The following PDE2A variants were observed in gnomAD, a reference collection of about 807,000 sequenced individuals.
The protein encoded by PDE2A is phosphodiesterase 2A, also known as cGMP-dependent 3',5'-cyclic phosphodiesterase.
In PDE2A, 53 loss-of-function variants were observed where a neutral mutation model predicts 133.6. The ratio of observed to expected loss-of-function variants is 0.40; its 90% CI spans 0.32 to 0.50. PDE2A has a LOEUF of 0.50. Among genes scored for constraint, PDE2A ranks in the 20% least tolerant of loss-of-function variants. The probability of loss-of-function intolerance (pLI) is 0.73; values close to 1 mark genes in which losing one functional copy is unlikely to be tolerated. For missense variants in PDE2A, 796 were observed against 1,232.4 expected, an observed-to-expected ratio of 0.65 and a Z score of 5.30; for synonymous variants, 491 against 490.2, an observed-to-expected ratio of 1.00 and a Z score of -0.02.
intron 2 of PDE2A, among the ~76,000 whole-genome samples, chr11:72,619,347 A>G (rs1857631006): frequency 6.6e-6 from 1 of 152,154 alleles, no homozygotes; most frequent in East Asian, 1.9e-4. Flanking sequence ...TGGGGACCTA[A>G]GCATGTGTGC....
intron 2 of PDE2A, among the ~76,000 whole-genome samples, chr11:72,614,845 G>A (rs1430116387): frequency 6.6e-6 from 1 of 152,178 alleles, no homozygotes; most frequent in African/African-American, 2.4e-5. Context: ...GGGGGTGGAA[G>A]GACAGAGGGA....
Position 72,578,322 on chromosome 11 carries a change from G to A in PDE2A, c.2526C>T (p.Asn842=). 1 of 1,613,166 alleles carries A rather than the reference G, an allele frequency of 6.2e-7. No homozygotes were observed. Among genetic ancestry groups the A allele is most frequent in the Non-Finnish European group, 8.5e-7 (1 of 1,179,168 alleles). ...CCCGGTCCATCATCTCCATCGGCCT[G>A]TTGCCCATGGCCTTCTCCTGCAGGC... ...SQGDLEKAMG[N]RPMEMMDREK... is the part of the protein sequence containing the mutation. The change falls in exon 30 of 31, where the codon AAC becomes AAT. Residue 842 remains asparagine, a synonymous_variant. Coordinates refer to ENST00000334456, the MANE Select transcript of PDE2A (RefSeq NM_002599.5). The surrounding 1 kb of genome is among the most constrained non-coding windows in gnomAD (Gnocchi z 4.2).
rs757366439 is a variant in PDE2A at position 72,588,813 on chromosome 11, GGC to G, written c.1039_1040del (p.Ala347LeufsTer45). The part of the protein sequence containing the change: ...SRATDQVVAL[A>X]CAFNKLEGDL... ...CTCCTTCTAGCTTGTTGAAGGCGCA[GGC>G]CAAGGCCACCACCTGGTCAGTGGCC... On this transcript the variant is annotated frameshift_variant, in exon 13 of 31. Transcript: ENST00000334456. LOFTEE classifies it high-confidence loss of function. 6.2e-7 allele frequency: 1 copy of G among 1,609,284 alleles called. No individual in the cohort carries two copies. Among genetic ancestry groups the G allele is most frequent in the South Asian group, 1.1e-5 (1 of 90,800 alleles).
At position 72,597,520 on chromosome 11, in the gene PDE2A, A is replaced by T; in HGVS notation, c.423T>A (p.Pro141=). Residue 141 remains proline, a synonymous_variant, in exon 5 of 31, where the codon CCT becomes CCA. Transcript: ENST00000334456. This position sits in a 1 kb window ranked among gnomAD's most constrained non-coding sequence, Gnocchi z 4.6. ...PLARLVAPLA[P]DTQVLVMPLA... ...GCCCCTAGCCCTTACCTTGGGTATC[A>T]GGAGCCAGTGGAGCCACCAGCCTGG... The T allele has an allele frequency of 1.2e-6, 2 of 1,601,946 alleles. No individual in the cohort carries two copies. The highest frequency in any genetic ancestry group is 1.7e-6 in the Non-Finnish European group (2 of 1,175,086).
intron 1 of PDE2A, among the ~76,000 whole-genome samples, chr11:72,673,579 T>C (rs1438081845): frequency 6.6e-6 from 1 of 152,054 alleles, no homozygotes; most frequent in Non-Finnish European, 1.5e-5. Context: ...CGCTTTGGGG[T>C]AAAGTTTCAT....
chr11:72,642,247 C>A lies in PDE2A; in HGVS notation c.144+7G>T. ...TCTCCTGGTGCCCAGCGCGGGGGCC[C>A]CCCTACCTGCAGGCTGTCGGCGCAT... On this transcript the variant is annotated splice_region_variant and intron_variant, in intron 2 of 30. Coordinates refer to ENST00000334456, the MANE Select transcript of PDE2A (RefSeq NM_002599.5). 6.6e-7 allele frequency: 1 copy of A among 1,518,350 alleles called. No individual in the cohort carries two copies. Among genetic ancestry groups the A allele is most frequent in the Admixed American group, 2.2e-5 (1 of 46,116 alleles). The allele number at this position is 1,518,350 out of a possible 1,614,324, so 94.1% of individuals were successfully genotyped here.
chr11:72,585,919 C>G (rs1855950699), intron 14 of PDE2A, 151 bp downstream of exon 14: 3 of 651,604 alleles, frequency 4.6e-6, no homozygotes, highest in Non-Finnish European at 8.4e-6. Context: ...TCCTGAACAA[C>G]TGCAAGCCTT....
In PDE2A at chr11:72,578,566, A is replaced by G. The variant is rs773072495; in HGVS notation, c.2470-52T>C. On this transcript the variant is annotated intron_variant, in intron 28 of 30. Coordinates refer to ENST00000334456, the MANE Select transcript of PDE2A (RefSeq NM_002599.5). The surrounding 1 kb of genome is among the most constrained non-coding windows in gnomAD (Gnocchi z 4.2). ...CCTCTATGTAGGATACATCCACCCA[A>G]GCTCCTCTGACAGCCCGTTCCCAGG... 10 of 1,470,792 alleles carry G rather than the reference A, an allele frequency of 6.8e-6. No homozygotes were observed. The highest frequency in any genetic ancestry group is 1.1e-5 in the South Asian group (1 of 88,108). The allele number at this position is 1,470,792 out of a possible 1,614,324, so 91.1% of individuals were successfully genotyped here.
At chr11:72,589,342 A>G in intron 11 of PDE2A, 102 bp from the exon 12 acceptor site, 1 of 850,060 alleles carries the variant, frequency 1.2e-6, no homozygotes, top group Non-Finnish European at 2.0e-6. Context: ...AGAACCCTTC[A>G]GTCAGTCCAA....
At chr11:72,584,750 C>G (rs767873661) in intron 17 of PDE2A, 22 bp from the exon 18 acceptor site, 1 of 1,612,336 alleles carries the variant, frequency 6.2e-7, no homozygotes, top group Non-Finnish European at 8.5e-7. Context: ...GAGATGGAGT[C>G]GAGAGGAAGA....
At chr11:72,652,874 C>T (rs1406484983) in intron 1 of PDE2A, among the ~76,000 whole-genome samples, 2 of 152,222 alleles carry the variant, frequency 1.3e-5, no homozygotes, top group Non-Finnish European at 2.9e-5. Context: ...AGCAACTCCT[C>T]CCAGCCCAGC....
chr11:72,652,380 G>A (rs777620222), intron 1 of PDE2A: 3 of 404,124 alleles, frequency 7.4e-6, no homozygotes, highest in Non-Finnish European at 1.5e-5. Flanking sequence ...CCTAGTAGCT[G>A]GAATTACAGG....
intron 3 of PDE2A, among the ~76,000 whole-genome samples, chr11:72,605,442 G>A (rs1856929594): frequency 2.0e-5 from 3 of 152,194 alleles, no homozygotes; most frequent in Admixed American, 6.5e-5. Context: ...CTCTTGGACG[G>A]AATTCTAAGC....
intron 15 of PDE2A, 46 bp downstream of exon 15, chr11:72,585,508 G>A (rs1230808917): frequency 1.2e-6 from 2 of 1,612,482 alleles, no homozygotes; most frequent in Non-Finnish European, 1.7e-6. Context: ...GCAAATGCCA[G>A]CCCCCATGCC....
chr11:72,614,426 C>T (rs1169979540), intron 2 of PDE2A, among the ~76,000 whole-genome samples: 1 of 152,166 alleles, frequency 6.6e-6, no homozygotes, highest in Non-Finnish European at 1.5e-5. Flanking sequence ...TTGAGTGAGG[C>T]ATCAGGCTTT....
chr11:72,588,951 G>A (rs1856104159), intron 12 of PDE2A, 37 bp from the exon 13 acceptor site: 3 of 1,576,080 alleles, frequency 1.9e-6, no homozygotes, highest in Non-Finnish European at 2.6e-6. Context: ...GGGAAGCAGG[G>A]CGCAGTATGC....
At chr11:72,642,984 C>A (rs907853) in intron 1 of PDE2A, 60,782 of 154,328 alleles carry the variant, frequency 0.39, 14,100 homozygotes, top group Middle Eastern at 0.58. Context: ...GACACGTGCG[C>A]ACAGACACCG....
chr11:72,660,529 CTG>C, intron 1 of PDE2A, among the ~76,000 whole-genome samples: 1 of 152,170 alleles, frequency 6.6e-6, no homozygotes, highest in African/African-American at 2.4e-5. Context: ...ACATTACACA[CTG>C]TGTCTCATTT....
intron 1 of PDE2A, among the ~76,000 whole-genome samples, chr11:72,647,504 T>C (rs1001994578): frequency 6.6e-6 from 1 of 152,200 alleles, no homozygotes; most frequent in Non-Finnish European, 1.5e-5. Flanking sequence ...CCCAAAGATA[T>C]GGACAAGGGC....
Sources: allele counts gnomAD v4.1 joint callset (sites outside exome capture counted in the v4.1 genomes callset), GRCh38; gene constraint gnomAD v4.1.1; non-coding constraint Gnocchi (gnomAD v3.1); transcripts MANE v1.5; gene names NCBI Gene and HGNC (gene_info 2026-07-23, HGNC 2026-07-21).